The following LUZP2 variants were observed in gnomAD, a reference collection of about 807,000 sequenced individuals.
LUZP2 encodes the protein leucine zipper protein 2.
LUZP2 carries 52 observed loss-of-function variants against 51.6 expected under a neutral mutation model. That is an observed-to-expected ratio of 1.01 (90% CI 0.81 to 1.27). The LOEUF is 1.27. Among genes scored for constraint, LUZP2 ranks in the 50% most tolerant of loss-of-function variants. LUZP2 has a pLI of 0.00. For missense variants in LUZP2, 436 were observed against 395.4 expected (o/e 1.10, Z -0.87); for synonymous variants, 154 against 137.3 (o/e 1.12, Z -0.85).
At chr11:24,634,169 G>A (rs998760409) in intron 1 of LUZP2, among the ~76,000 whole-genome samples, 36 of 152,084 alleles carry the variant, frequency 2.4e-4, no homozygotes, top group African/African-American at 8.2e-4. Context: ...AGAATTATAT[G>A]AGTTCATGTA....
At chr11:24,843,155 CA>C (rs542676000) in intron 5 of LUZP2, among the ~76,000 whole-genome samples, 153 of 151,856 alleles carry the variant, frequency 1.0e-3, no homozygotes, top group Non-Finnish European at 1.7e-3. Context: ...CATATATATT[CA>C]TATAATTACT....
chr11:24,646,463 A>G (rs1419893759), intron 1 of LUZP2: 1 of 297,582 alleles, frequency 3.4e-6, no homozygotes, highest in African/African-American at 2.3e-5. Context: ...TGACACTATC[A>G]GAGACTCAGA....
At chr11:24,783,650 G>A (rs1199142024) in intron 5 of LUZP2, among the ~76,000 whole-genome samples, 1 of 151,912 alleles carries the variant, frequency 6.6e-6, no homozygotes, top group South Asian at 2.1e-4. Flanking sequence ...ACTCTGATTT[G>A]TTCTTGTAGC....
At chr11:24,832,517 AT>A (rs1284583645) in intron 5 of LUZP2, among the ~76,000 whole-genome samples, 1 of 151,878 alleles carries the variant, frequency 6.6e-6, no homozygotes, top group Non-Finnish European at 1.5e-5. Context: ...GTTTTCTATA[AT>A]ATCTTGTTAA....
At chr11:25,023,169 G>A (rs1323118681) in intron 9 of LUZP2, among the ~76,000 whole-genome samples, 3 of 152,134 alleles carry the variant, frequency 2.0e-5, no homozygotes, top group East Asian at 1.9e-4. Flanking sequence ...CTCATAAAAT[G>A]AGTTAAGAGG....
At chr11:24,892,434 AT>A (rs1228397832) in intron 5 of LUZP2, 54 of 963,846 alleles carry the variant, frequency 5.6e-5, no homozygotes, top group Non-Finnish European at 6.5e-5. Context: ...AAAAATTAAA[AT>A]TTATAATTCA....
At chr11:24,578,139 A>C (rs1357866286) in intron 1 of LUZP2, among the ~76,000 whole-genome samples, 1 of 145,718 alleles carries the variant, frequency 6.9e-6, no homozygotes, top group Non-Finnish European at 1.6e-5. Context: ...TAATTTTAAA[A>C]AGCTTTTTCA....
chr11:24,642,375 T>G (rs901548261), intron 1 of LUZP2, among the ~76,000 whole-genome samples: 2 of 151,754 alleles, frequency 1.3e-5, no homozygotes, highest in Non-Finnish European at 2.9e-5. Flanking sequence ...TTTGACAAAT[T>G]CATTGTATCA....
At chr11:25,036,807 G>A (rs1857879568) in intron 9 of LUZP2, among the ~76,000 whole-genome samples, 1 of 151,878 alleles carries the variant, frequency 6.6e-6, no homozygotes, top group African/African-American at 2.4e-5. Context: ...TTATTGCACT[G>A]GGGTCCAGGA....
intron 1 of LUZP2, among the ~76,000 whole-genome samples, chr11:24,510,156 C>G (rs1850266562): frequency 6.6e-6 from 1 of 152,288 alleles, no homozygotes; most frequent in Non-Finnish European, 1.5e-5. Context: ...GCTTTGGAAC[C>G]TTGAAAGTTG....
Position 24,972,420 on chromosome 11 carries a change from C to T in LUZP2, c.523-4171C>T, listed in dbSNP as rs144982369. ...CTATAAGTTAAGTACTATTATTCAT[C>T]TTTAAAGAAGAGGAAACTGAAGCAT... On this transcript the variant is annotated intron_variant, in intron 7 of 11. Transcript: ENST00000336930. Among the ~76,000 whole-genome samples the T allele has an allele frequency of 7.2e-5, 11 of 152,056 alleles. No homozygotes were observed. The East Asian group carries it at 2.1e-3, about 30-fold the overall frequency.
chr11:24,995,252 G>GCC (rs1446186110), intron 9 of LUZP2, among the ~76,000 whole-genome samples: 1 of 152,000 alleles, frequency 6.6e-6, no homozygotes, highest in African/African-American at 2.4e-5. Flanking sequence ...AATTAGCTGG[G>GCC]CGTGGTGGTA....
intron 1 of LUZP2, among the ~76,000 whole-genome samples, chr11:24,608,123 A>G (rs888012423): frequency 3.3e-5 from 5 of 152,204 alleles, no homozygotes; most frequent in African/African-American, 1.2e-4. Context: ...TGCTGGGATT[A>G]CAGGCGTGAG....
intron 1 of LUZP2, among the ~76,000 whole-genome samples, chr11:24,628,210 C>T (rs938221022): frequency 5.8e-5 from 7 of 120,316 alleles, no homozygotes; most frequent in African/African-American, 2.0e-4. Context: ...CACACCCATG[C>T]ATACACACAC....
chr11:24,568,693 T>C (rs969831699), intron 1 of LUZP2, among the ~76,000 whole-genome samples: 3 of 152,008 alleles, frequency 2.0e-5, no homozygotes, highest in Non-Finnish European at 2.9e-5. Flanking sequence ...CAAATAGGTT[T>C]TATTCTAAGT....
intron 5 of LUZP2, among the ~76,000 whole-genome samples, chr11:24,903,702 A>G (rs1853349017): frequency 6.6e-6 from 1 of 152,186 alleles, no homozygotes; most frequent in African/African-American, 2.4e-5. Flanking sequence ...TAGCCTGCCC[A>G]TCTAAAGACA....
chr11:24,776,131 A>T (rs1459298961), intron 5 of LUZP2, among the ~76,000 whole-genome samples: 6 of 152,196 alleles, frequency 3.9e-5, no homozygotes, highest in African/African-American at 1.4e-4. Flanking sequence ...TAAACTTATC[A>T]ATAAAAATGC....
At chr11:24,926,637 G>A (rs1010027935) in intron 7 of LUZP2, among the ~76,000 whole-genome samples, 22 of 135,234 alleles carry the variant, frequency 1.6e-4, no homozygotes, top group East Asian at 1.2e-3. Context: ...GTGTATATAT[G>A]TATATATATA....
At chr11:24,876,659 AT>A (rs1462521789) in intron 5 of LUZP2, among the ~76,000 whole-genome samples, 1 of 151,794 alleles carries the variant, frequency 6.6e-6, no homozygotes, top group African/African-American at 2.4e-5. Context: ...CTTGATGGGG[AT>A]GGCATTGAGT....
Sources: allele counts gnomAD v4.1 joint callset (sites outside exome capture counted in the v4.1 genomes callset), GRCh38; gene constraint gnomAD v4.1.1; transcripts MANE v1.5; gene names NCBI Gene and HGNC (gene_info 2026-07-23, HGNC 2026-07-21).